The following PEAK1 variants were observed in gnomAD, a reference collection of about 807,000 sequenced individuals.
PEAK1 encodes inactive tyrosine-protein kinase PEAK1.
Under a neutral mutation model 124.7 loss-of-function variants are expected in PEAK1, and 54 were observed. The ratio of observed to expected loss-of-function variants is 0.43; its 90% CI spans 0.35 to 0.54. PEAK1 has a LOEUF of 0.54. Among genes scored for constraint, PEAK1 ranks in the 20% least tolerant of loss-of-function variants. PEAK1 has a pLI of 0.01. For synonymous variants in PEAK1, 719 were observed against 760.0 expected, an observed-to-expected ratio of 0.95 and a Z score of 0.89; for missense variants, 2,046 against 2,134.5, an observed-to-expected ratio of 0.96 and a Z score of 0.82.
intron 5 of PEAK1, among the ~76,000 whole-genome samples, chr15:77,254,651 C>T (rs368369907): frequency 6.6e-6 from 1 of 152,070 alleles, no homozygotes; most frequent in South Asian, 2.1e-4. Context: ...TAGGCTAGTC[C>T]TGAACTCCTG....
At chr15:77,313,801 C>T (rs1363799740) in intron 2 of PEAK1, among the ~76,000 whole-genome samples, 3 of 150,494 alleles carry the variant, frequency 2.0e-5, no homozygotes, top group African/African-American at 7.4e-5. Context: ...AGGCTGGTCT[C>T]GAACTCCTGA....
chr15:77,342,893 G>A (rs1184719289), intron 2 of PEAK1, among the ~76,000 whole-genome samples: 1 of 152,050 alleles, frequency 6.6e-6, no homozygotes, highest in Non-Finnish European at 1.5e-5. Context: ...CCACCTCTTA[G>A]CTATTATAAA....
At chr15:77,404,622 GCTTTAAGAT>G (rs2071653204) in intron 1 of PEAK1, 5 of 933,354 alleles carry the variant, frequency 5.4e-6, no homozygotes, top group Admixed American at 6.2e-5. Flanking sequence ...GGACAGCACT[GCTTTAAGAT>G]ATACCCAAGA....
At chr15:77,365,892 T>C (rs1315085394) in intron 1 of PEAK1, among the ~76,000 whole-genome samples, 2 of 151,894 alleles carry the variant, frequency 1.3e-5, no homozygotes, top group African/African-American at 2.4e-5. Flanking sequence ...TCATAGAAAA[T>C]ACAGAATTTA....
At position 77,376,208 on chromosome 15, in the gene PEAK1, C is replaced by A. The variant is rs544390358; in HGVS notation, c.-665-10983G>T. ...AAATGAGCATGAATAAAAAAAATTA[C>A]CATATACCTAACAAAGGCACACAAC... On this transcript the variant is annotated intron_variant, in intron 1 of 9. Transcript: ENST00000682557. Among the ~76,000 whole-genome samples the A allele has an allele frequency of 2.6e-5, 4 of 151,966 alleles. No homozygotes were observed. The East Asian group carries it at 7.7e-4, about 29-fold the overall frequency.
intron 8 of PEAK1, among the ~76,000 whole-genome samples, chr15:77,147,484 G>C (rs934841749): frequency 6.6e-6 from 1 of 152,116 alleles, no homozygotes; most frequent in Non-Finnish European, 1.5e-5. Flanking sequence ...ACATGCTCCT[G>C]ATTTTCGCAG....
At chr15:77,166,146 T>C (rs977502483) in intron 7 of PEAK1, among the ~76,000 whole-genome samples, 2 of 152,032 alleles carry the variant, frequency 1.3e-5, no homozygotes, top group Non-Finnish European at 2.9e-5. Flanking sequence ...AATTTACATT[T>C]CCAAAAAAAT....
chr15:77,159,281 C>T (rs2055424137), intron 7 of PEAK1, among the ~76,000 whole-genome samples: 1 of 152,150 alleles, frequency 6.6e-6, no homozygotes, highest in Admixed American at 6.5e-5. Context: ...CAACCTTTGC[C>T]TGTCTGCATG....
At chr15:77,123,179 A>G (rs2052072159) in intron 9 of PEAK1, among the ~76,000 whole-genome samples, 1 of 152,200 alleles carries the variant, frequency 6.6e-6, no homozygotes, top group Admixed American at 6.5e-5. Flanking sequence ...CTACTATCCC[A>G]ATTCTGGAAC....
At chr15:77,348,033 C>T (rs2141404404) in intron 2 of PEAK1, 1 of 985,270 alleles carries the variant, frequency 1.0e-6, no homozygotes, top group East Asian at 1.1e-4. Context: ...AAACTATGCA[C>T]ATGGCTATCA....
intron 7 of PEAK1, 125 bp from the exon 8 acceptor site, chr15:77,158,821 G>A (rs563397251): frequency 2.3e-6 from 2 of 869,014 alleles, no homozygotes; most frequent in South Asian, 3.5e-5. Context: ...ACACTTGTCT[G>A]AACACAAGGC....
intron 1 of PEAK1, among the ~76,000 whole-genome samples, chr15:77,374,179 T>C (rs898854843): frequency 6.6e-6 from 1 of 152,142 alleles, no homozygotes; most frequent in Non-Finnish European, 1.5e-5. Context: ...CAAGTATCAC[T>C]AAAGGAGGAG....
intron 4 of PEAK1, among the ~76,000 whole-genome samples, chr15:77,284,749 T>C (rs973215756): frequency 2.3e-4 from 35 of 152,140 alleles, no homozygotes; most frequent in African/African-American, 8.4e-4. Context: ...TTGGTTTGTG[T>C]AATATTAAAT....
chr15:77,165,376 T>C (rs1276325483), intron 7 of PEAK1, among the ~76,000 whole-genome samples: 2 of 152,152 alleles, frequency 1.3e-5, no homozygotes, highest in Admixed American at 1.3e-4. Context: ...TTTGTATTTT[T>C]AGTAGAGATG....
intron 2 of PEAK1, among the ~76,000 whole-genome samples, chr15:77,318,737 A>C (rs934744641): frequency 6.6e-6 from 1 of 152,050 alleles, no homozygotes; most frequent in African/African-American, 2.4e-5. Context: ...CTCCTTTATG[A>C]ATTTAGCAAA....
At chr15:77,356,640 T>TA (rs1325984562) in intron 2 of PEAK1, among the ~76,000 whole-genome samples, 1 of 152,228 alleles carries the variant, frequency 6.6e-6, no homozygotes, top group African/African-American at 2.4e-5. Context: ...ATCCCAGGAA[T>TA]AAATTGAGCA....
At chr15:77,173,541 T>C (rs921517963) in intron 7 of PEAK1, among the ~76,000 whole-genome samples, 16 of 152,300 alleles carry the variant, frequency 1.1e-4, no homozygotes, top group South Asian at 2.1e-4. Context: ...TGCTGTACAA[T>C]AGATCTTTAA....
At chr15:77,391,698 T>C (rs958490971) in intron 1 of PEAK1, among the ~76,000 whole-genome samples, 2 of 152,106 alleles carry the variant, frequency 1.3e-5, no homozygotes, top group African/African-American at 4.8e-5. Flanking sequence ...TTTTTTAGTA[T>C]CCCTTCCCAA....
At chr15:77,318,816 G>A (rs2065029961) in intron 2 of PEAK1, among the ~76,000 whole-genome samples, 1 of 151,964 alleles carries the variant, frequency 6.6e-6, no homozygotes, top group African/African-American at 2.4e-5. Context: ...GATGCTAATA[G>A]ATGACACCCC....
Sources: gnomAD v4.1 joint callset for allele counts (sites outside exome capture counted in the v4.1 genomes callset) on GRCh38, gnomAD v4.1.1 for gene constraint, MANE v1.5 for transcripts, NCBI Gene and HGNC (gene_info 2026-07-23, HGNC 2026-07-21) for gene names.